Variants in MAP3K13 observed in about 807,000 individuals in gnomAD.
MAP3K13 encodes the protein leucine zipper-bearing kinase.
MAP3K13 carries 52 observed loss-of-function variants against 104.0 expected under a neutral mutation model. The ratio of observed to expected loss-of-function variants is 0.50; its 90% CI spans 0.40 to 0.63. The LOEUF (loss-of-function observed/expected upper bound fraction) is 0.63. Ranked by LOEUF, MAP3K13 falls within the 20% of genes least tolerant of loss-of-function variation. MAP3K13 has a pLI of 0.00. For missense variants in MAP3K13, 914 were observed against 1,218.5 expected (o/e 0.75, Z 3.72); for synonymous variants, 394 against 442.2 (o/e 0.89, Z 1.37).
Position 185,349,315 on chromosome 3 carries a change from C to T in MAP3K13, c.-86+63672C>T, listed in dbSNP as rs543956058. 5.3e-5 allele frequency among the ~76,000 whole-genome samples: 8 copies of T among 152,140 alleles called. No homozygotes were observed. The East Asian group carries it at 9.7e-4, about 18-fold the overall frequency. ...TCAATGTCTCTTATTTCCATCTTTA[C>T]GTACATGTGTCCCCATTGTTTAGCT... On this transcript the variant is annotated intron_variant, in intron 2 of 14. Transcript: ENST00000424227.
At chr3:185,337,836 A>G (rs933170302) in intron 2 of MAP3K13, among the ~76,000 whole-genome samples, 1 of 151,914 alleles carries the variant, frequency 6.6e-6, no homozygotes, top group East Asian at 1.9e-4. Flanking sequence ...TGGGGAGGGG[A>G]CACAATAGCT....
intron 1 of MAP3K13, among the ~76,000 whole-genome samples, chr3:185,382,021 T>C (rs1304993507): frequency 1.3e-5 from 2 of 152,216 alleles, no homozygotes; most frequent in Non-Finnish European, 2.9e-5. Flanking sequence ...AAAAGGATGA[T>C]GATGAAGTCT....
chr3:185,337,127 A>G (rs948104918), intron 2 of MAP3K13, among the ~76,000 whole-genome samples: 20 of 151,838 alleles, frequency 1.3e-4, no homozygotes, highest in African/African-American at 4.4e-4. Context: ...CTGGTCTTGA[A>G]CTCCTGAGCT....
At chr3:185,400,461 C>A (rs1475140716) in intron 1 of MAP3K13, among the ~76,000 whole-genome samples, 1 of 152,220 alleles carries the variant, frequency 6.6e-6, no homozygotes, top group African/African-American at 2.4e-5. Flanking sequence ...ATCTTCGCAT[C>A]ATCGTTATTG....
intron 1 of MAP3K13, among the ~76,000 whole-genome samples, chr3:185,369,029 C>T (rs1724030653): frequency 6.6e-6 from 1 of 150,824 alleles, no homozygotes; most frequent in Non-Finnish European, 1.5e-5. Context: ...TTCATTTAAT[C>T]AACAATATTG....
chr3:185,307,957 A>C (rs1428780826), intron 2 of MAP3K13, among the ~76,000 whole-genome samples: 1 of 145,068 alleles, frequency 6.9e-6, no homozygotes, highest in Non-Finnish European at 1.5e-5. Context: ...CTTTAAGACA[A>C]CTATTTTGAG....
chr3:185,460,557 C>T (rs984234901), intron 7 of MAP3K13, among the ~76,000 whole-genome samples: 4 of 152,160 alleles, frequency 2.6e-5, no homozygotes, highest in Non-Finnish European at 5.9e-5. Flanking sequence ...TGTGGGCTTG[C>T]CCATCCTCCC....
rs776526615 is a variant in MAP3K13 at position 185,456,006 on chromosome 3, G to GAT, written c.1278+4624_1278+4625dup. On this transcript the variant is annotated intron_variant, in intron 7 of 13. Coordinates refer to ENST00000265026, the MANE Select transcript of MAP3K13 (RefSeq NM_004721.5). ...TATGATATATATGAGATATATATGAGATATATATATATATGAGATATATGT... is the reference window on the plus strand; with the variant it reads ...TATGATATATATGAGATATATATGAGATATATATATATATATGAGATATATGT... Among the ~76,000 whole-genome samples the GAT allele has an allele frequency of 4.2e-3, 617 of 146,150 alleles. 7 individuals carry two copies. The highest frequency in any genetic ancestry group is 0.013 in the African/African-American group (503 of 39,952).
intron 2 of MAP3K13, among the ~76,000 whole-genome samples, chr3:185,294,674 T>C (rs2108675452): frequency 6.6e-6 from 1 of 152,346 alleles, no homozygotes. Flanking sequence ...GGCTCATTAC[T>C]ATATGTAATT....
Position 185,480,531 on chromosome 3 carries a change from T to TG in MAP3K13, c.2799+7dup, listed in dbSNP as rs762451500. On this transcript the variant is annotated splice_region_variant and intron_variant, in intron 13 of 13. Coordinates refer to ENST00000265026, the MANE Select transcript of MAP3K13 (RefSeq NM_004721.5). ...TGTGTGGAGGAACGTGGCTATGAGG[T>TG]GGGGGCTTCTCCCTTCTCCTCCCAT... The TG allele has an allele frequency of 1.9e-6, 3 of 1,611,234 alleles. No individual in the cohort carries two copies. Among genetic ancestry groups the TG allele is most frequent in the South Asian group, 1.1e-5 (1 of 91,006 alleles).
intron 2 of MAP3K13, among the ~76,000 whole-genome samples, chr3:185,295,525 A>G (rs796808316): frequency 4.6e-5 from 7 of 152,310 alleles, no homozygotes; most frequent in South Asian, 2.1e-4. Flanking sequence ...TTTGCAGAGC[A>G]GATACTTTCT....
intron 2 of MAP3K13, among the ~76,000 whole-genome samples, chr3:185,288,411 T>G (rs1346449600): frequency 4.0e-5 from 6 of 150,770 alleles, no homozygotes; most frequent in Non-Finnish European, 7.4e-5. Flanking sequence ...TATATTTATA[T>G]AGAGAGAATA....
intron 8 of MAP3K13, among the ~76,000 whole-genome samples, chr3:185,464,187 C>T (rs1055951570): frequency 1.1e-4 from 17 of 152,150 alleles, no homozygotes; most frequent in African/African-American, 3.6e-4. Context: ...ATGCAGGAGA[C>T]AGAGGCATGA....
Position 185,418,441 on chromosome 3 carries a change from C to T in MAP3K13, c.-85-10056C>T, listed in dbSNP as rs1253457413. ...TCGTTTTTGGGTTGTGTTCACTCTA[C>T]GATGCCAACGGCGCCAGGTTTTGGT... On this transcript the variant is annotated intron_variant, in intron 1 of 13. Coordinates refer to ENST00000265026, the MANE Select transcript of MAP3K13 (RefSeq NM_004721.5). The surrounding 1 kb of genome is among the most constrained non-coding windows in gnomAD (Gnocchi z 4.5). 15 of 1,609,858 alleles carry T rather than the reference C, an allele frequency of 9.3e-6. No homozygotes were observed. The African/African-American group carries it at 1.7e-4, about 19-fold the overall frequency.
chr3:185,432,563 C>T (rs998840866), intron 2 of MAP3K13, among the ~76,000 whole-genome samples: 6 of 151,916 alleles, frequency 3.9e-5, no homozygotes, highest in African/African-American at 1.2e-4. Context: ...CATAAGTGAT[C>T]GAGTACATTT....
chr3:185,436,042 C>G (rs1451097021), intron 2 of MAP3K13, among the ~76,000 whole-genome samples: 1 of 152,114 alleles, frequency 6.6e-6, no homozygotes, highest in African/African-American at 2.4e-5. Flanking sequence ...ATATTTGTTT[C>G]TTACCTGTGA....
In MAP3K13 at chr3:185,482,283, T is replaced by G. The variant is rs531246910; in HGVS notation, c.2800-72T>G. ...CCCTTACCAAGCACAGTGCCTGTTG[T>G]GTGGGAGGTGTTTGACATATATTTA... On this transcript the variant is annotated intron_variant, in intron 13 of 13. Coordinates refer to ENST00000265026, the MANE Select transcript of MAP3K13 (RefSeq NM_004721.5). This position sits in a 1 kb window ranked among gnomAD's most constrained non-coding sequence, Gnocchi z 4.5. 9.4e-7 allele frequency: 1 copy of G among 1,061,390 alleles called. No individual in the cohort carries two copies. Among genetic ancestry groups the G allele is most frequent in the East Asian group, 2.4e-5 (1 of 42,350 alleles). 65.7% of individuals were successfully genotyped at this position (1,061,390 alleles called of 1,614,324 possible).
intron 1 of MAP3K13, among the ~76,000 whole-genome samples, chr3:185,424,356 G>C (rs1032196548): frequency 2.0e-5 from 3 of 152,194 alleles, no homozygotes; most frequent in African/African-American, 7.2e-5. Flanking sequence ...GTCATAAAAT[G>C]TTCCATCGTG....
At chr3:185,324,599 C>T (rs554911812) in intron 2 of MAP3K13, among the ~76,000 whole-genome samples, 4 of 152,244 alleles carry the variant, frequency 2.6e-5, no homozygotes, top group South Asian at 2.1e-4. Flanking sequence ...AGGGGCACAC[C>T]GTGCTTGCCC....
Sources: allele counts gnomAD v4.1 joint callset (sites outside exome capture counted in the v4.1 genomes callset), GRCh38; gene constraint gnomAD v4.1.1; non-coding constraint Gnocchi (gnomAD v3.1); transcripts MANE v1.5; gene names NCBI Gene and HGNC (gene_info 2026-07-23, HGNC 2026-07-21).